The following TMEM192 variants were observed in gnomAD, a reference collection of about 807,000 sequenced individuals.
TMEM192 encodes transmembrane protein 192.
TMEM192 carries 20 observed loss-of-function variants against 26.7 expected under a neutral mutation model. The observed-to-expected ratio is 0.75, with a 90% CI of 0.53 to 1.09. The LOEUF is 1.09. Among genes scored for constraint, TMEM192 ranks in the 50% least tolerant of loss-of-function variants. The pLI is 0.00. For missense variants in TMEM192, 304 were observed against 322.6 expected (o/e 0.94, Z 0.44); for synonymous variants, 124 against 121.0 (o/e 1.02, Z -0.16).
At chr4:165,100,971 C>CAT in intron 2 of TMEM192, 79 bp from the exon 3 acceptor site, 1 of 772,960 alleles carries the variant, frequency 1.3e-6, no homozygotes, top group Non-Finnish European at 1.8e-6. Context: ...AGCATACATT[C>CAT]TTTTTTTTTT....
chr4:165,100,562 T>C (rs1735014505), intron 3 of TMEM192, 66 bp downstream of exon 3: 5 of 1,521,558 alleles, frequency 3.3e-6, no homozygotes, highest in Admixed American at 2.0e-5. Flanking sequence ...TCAAACTTCA[T>C]ATATTCTTTC....
Position 165,078,233 on chromosome 4 carries a change from A to C in TMEM192, c.*1425T>G, listed in dbSNP as rs1734433720. On this transcript the variant is annotated 3_prime_UTR_variant, in exon 6 of 6. Transcript: ENST00000306480. Reference sequence around the variant, plus strand: ...ACATCCCTATATGGTTACATATCAAATATTGAATATTCAGCTAATGATCAA... The same window carrying C: ...ACATCCCTATATGGTTACATATCAACTATTGAATATTCAGCTAATGATCAA... 6.6e-6 allele frequency: 1 copy of C among 152,192 alleles called. No individual in the cohort carries two copies. The highest frequency in any genetic ancestry group is 1.5e-5 in the Non-Finnish European group (1 of 68,036). The allele number at this position is 152,192 out of a possible 1,614,324, so 9.4% of individuals were successfully genotyped here.
chr4:165,111,737 A>G (rs1300284295), intron 1 of TMEM192: 7 of 152,242 alleles, frequency 4.6e-5, no homozygotes, highest in African/African-American at 1.7e-4. Flanking sequence ...TATTTCATCA[A>G]GATTATTTAA....
At chr4:165,094,121 G>A (rs1250496273) in intron 3 of TMEM192, among the ~76,000 whole-genome samples, 2 of 151,990 alleles carry the variant, frequency 1.3e-5, no homozygotes, top group Admixed American at 6.6e-5. Context: ...GGCTGGTCTC[G>A]AACTCCTGAC....
intron 3 of TMEM192, among the ~76,000 whole-genome samples, chr4:165,095,244 T>C (rs974454813): frequency 6.6e-6 from 1 of 152,184 alleles, no homozygotes; most frequent in Non-Finnish European, 1.5e-5. Flanking sequence ...AGTAGACATG[T>C]AGTAAATGCC....
intron 5 of TMEM192, 47 bp from the exon 6 acceptor site, chr4:165,079,843 T>G (rs1251473166): frequency 1.3e-6 from 2 of 1,554,694 alleles, no homozygotes; most frequent in Non-Finnish European, 1.7e-6. Flanking sequence ...TCACCAATAC[T>G]CATTAGTGTC....
intron 3 of TMEM192, among the ~76,000 whole-genome samples, chr4:165,092,941 A>C (rs1274672475): frequency 1.3e-5 from 2 of 151,748 alleles, no homozygotes; most frequent in Non-Finnish European, 2.9e-5. Context: ...TTTTGACAAA[A>C]TATCACTGGA....
Position 165,103,053 on chromosome 4 carries a change from A to G in TMEM192, c.71T>C (p.Leu24Pro). ...ITQSIEDDPLLDAQLLPHHSL... is the reference protein window; with the variant it reads ...ITQSIEDDPLPDAQLLPHHSL... ...GTGGTGTGGGAGAAGCTGGGCATCCAGAAGTGGGTCGTCTTCAATACTCTG... is the reference window on the plus strand; with the variant it reads ...GTGGTGTGGGAGAAGCTGGGCATCCGGAAGTGGGTCGTCTTCAATACTCTG... Residue 24 changes from leucine to proline, a missense_variant, in exon 2 of 6, where the codon CTG (leucine) becomes CCG (proline). Physicochemically the swap from Leu to Pro is moderately conservative, Grantham distance 98. Coordinates refer to ENST00000306480, the MANE Select transcript of TMEM192 (RefSeq NM_001100389.2). 3 of 1,613,564 alleles carry G rather than the reference A, an allele frequency of 1.9e-6. No individual in the cohort carries two copies. Among genetic ancestry groups the G allele is most frequent in the Non-Finnish European group, 2.5e-6 (3 of 1,179,772 alleles).
chr4:165,106,046 T>G (rs907834199), intron 1 of TMEM192, among the ~76,000 whole-genome samples: 1 of 152,204 alleles, frequency 6.6e-6, no homozygotes, highest in African/African-American at 2.4e-5. Flanking sequence ...ACCTTGATCT[T>G]GGGCTTCCTG....
At position 165,079,352 on chromosome 4, in the gene TMEM192, G is replaced by C; in HGVS notation, c.*306C>G. 1 of 259,690 alleles carries C rather than the reference G, an allele frequency of 3.9e-6. No homozygotes were observed. 16.1% of individuals were successfully genotyped at this position (259,690 alleles called of 1,614,324 possible). Reference sequence around the variant, plus strand: ...CATTACAGGGTTCTAATGTCAGGTGGAAAAGTGTTGACTATGGAGTTGTTT... The same window carrying C: ...CATTACAGGGTTCTAATGTCAGGTGCAAAAGTGTTGACTATGGAGTTGTTT... On this transcript the variant is annotated 3_prime_UTR_variant, in exon 6 of 6. Transcript: ENST00000306480.
intron 3 of TMEM192, among the ~76,000 whole-genome samples, chr4:165,099,197 C>T (rs1441418971): frequency 6.7e-6 from 1 of 148,970 alleles, no homozygotes; most frequent in Non-Finnish European, 1.5e-5. Context: ...AGCAATTCTC[C>T]CACCTCAGCT....
chr4:165,084,584 A>G (rs1435332145), intron 5 of TMEM192, among the ~76,000 whole-genome samples: 1 of 151,896 alleles, frequency 6.6e-6, no homozygotes, highest in East Asian at 1.9e-4. Context: ...CGTGTCCCAG[A>G]TTATATAGAT....
At chr4:165,079,840 T>C in intron 5 of TMEM192, 44 bp from the exon 6 acceptor site, 1 of 1,580,518 alleles carries the variant, frequency 6.3e-7, no homozygotes, top group Non-Finnish European at 8.6e-7. Context: ...TATTCACCAA[T>C]ACTCATTAGT....
chr4:165,102,558 G>C (rs1735059907), intron 2 of TMEM192, among the ~76,000 whole-genome samples: 1 of 152,000 alleles, frequency 6.6e-6, no homozygotes, highest in South Asian at 2.1e-4. Context: ...TAATCATGAA[G>C]GCTATTCTAT....
chr4:165,107,780 C>T (rs369075458), intron 1 of TMEM192, among the ~76,000 whole-genome samples: 9 of 152,162 alleles, frequency 5.9e-5, no homozygotes, highest in South Asian at 2.1e-4. Context: ...CCAGCAAAAC[C>T]GCCTTCTCTG....
chr4:165,105,349 A>G (rs1160640891), intron 1 of TMEM192, among the ~76,000 whole-genome samples: 1 of 152,214 alleles, frequency 6.6e-6, no homozygotes, highest in Admixed American at 6.5e-5. Context: ...ATCAGGACAT[A>G]CGGGGGATCA....
intron 3 of TMEM192, among the ~76,000 whole-genome samples, chr4:165,093,895 A>ATTTGT (rs1734830702): frequency 6.7e-6 from 1 of 150,352 alleles, no homozygotes; most frequent in South Asian, 2.1e-4. Flanking sequence ...TAATTTTTGT[A>ATTTGT]TTTGTTTTGT....
intron 5 of TMEM192, among the ~76,000 whole-genome samples, chr4:165,084,983 GA>G (rs751421702): frequency 2.5e-4 from 37 of 150,456 alleles, no homozygotes; most frequent in Non-Finnish European, 4.0e-4. Context: ...CCCTTAAAAA[GA>G]AAATAACAGG....
intron 3 of TMEM192, among the ~76,000 whole-genome samples, chr4:165,094,225 C>G (rs1040731138): frequency 6.6e-6 from 1 of 151,644 alleles, no homozygotes; most frequent in Non-Finnish European, 1.5e-5. Flanking sequence ...TTAATAGAGA[C>G]AGGTTTTCAC....
Sources: allele counts gnomAD v4.1 joint callset (sites outside exome capture counted in the v4.1 genomes callset), GRCh38; gene constraint gnomAD v4.1.1; transcripts MANE v1.5; gene names NCBI Gene and HGNC (gene_info 2026-07-23, HGNC 2026-07-21).